The following F2R variants were observed in gnomAD, a reference collection of about 807,000 sequenced individuals.
F2R encodes the protein proteinase-activated receptor 1.
F2R carries 12 observed loss-of-function variants against 18.3 expected under a neutral mutation model. That is an observed-to-expected ratio of 0.66 (90% confidence interval 0.42 to 1.06). The LOEUF (loss-of-function observed/expected upper bound fraction) is 1.06. Ranked by LOEUF, F2R falls within the 50% of genes least tolerant of loss-of-function variation. The pLI, the probability that F2R is intolerant of heterozygous loss-of-function variation, is 0.00. For synonymous variants in F2R, 210 were observed against 219.9 expected, an observed-to-expected ratio of 0.95 and a Z score of 0.40; for missense variants, 438 against 530.8, an observed-to-expected ratio of 0.83 and a Z score of 1.72.
chr5:76,724,044 A>G (rs1334105602), intron 1 of F2R, among the ~76,000 whole-genome samples: 2 of 152,152 alleles, frequency 1.3e-5, no homozygotes, highest in Non-Finnish European at 2.9e-5. Context: ...TACCTAAAAA[A>G]TGAACATTTC....
rs1194607700 is a variant in F2R at position 76,733,344 on chromosome 5, C to T, written c.1119C>T (p.Tyr373=). Residue 373 remains tyrosine (Y), a synonymous_variant, in exon 2 of 2, where the codon TAC becomes TAT. Coordinates refer to ENST00000319211, the MANE Select transcript of F2R (RefSeq NM_001992.5). The part of the protein sequence containing the change: ...SCCIDPLIYY[Y]ASSECQRYVY... ...GCATCGACCCCCTAATTTACTATTA[C>T]GCTTCCTCTGAGTGCCAGAGGTACG... 6 of 1,614,178 alleles carry T rather than the reference C, an allele frequency of 3.7e-6. No individual in the cohort carries two copies. The highest frequency in any genetic ancestry group is 5.1e-6 in the Non-Finnish European group (6 of 1,180,036).
chr5:76,719,240 C>T (rs1010282228), intron 1 of F2R, among the ~76,000 whole-genome samples: 1 of 152,250 alleles, frequency 6.6e-6, no homozygotes. Flanking sequence ...ATGTCATCCT[C>T]ATTTTACTGG....
intron 1 of F2R, among the ~76,000 whole-genome samples, chr5:76,719,308 G>A (rs1285826250): frequency 1.3e-5 from 2 of 152,250 alleles, no homozygotes; most frequent in African/African-American, 4.8e-5. Context: ...GTGGAATTGG[G>A]ACTGGGTGCG....
intron 1 of F2R, among the ~76,000 whole-genome samples, chr5:76,732,001 AT>A (rs1333358856): frequency 6.6e-6 from 1 of 152,212 alleles, no homozygotes; most frequent in Non-Finnish European, 1.5e-5. Flanking sequence ...GAAATCAATG[AT>A]TGATCCCTTT....
At chr5:76,716,759 CAATA>C (rs772392946) in intron 1 of F2R, 1 of 596,310 alleles carries the variant, frequency 1.7e-6, no homozygotes, top group East Asian at 3.0e-5. Context: ...GTTGCTCCAC[CAATA>C]AACGTTTCGA....
At chr5:76,721,121 G>A (rs37248) in intron 1 of F2R, among the ~76,000 whole-genome samples, 101,880 of 152,056 alleles carry the variant, frequency 0.67, 34,305 homozygotes, top group East Asian at 0.72. Context: ...ACTAGTTTTC[G>A]TGAGCACCTA....
intron 1 of F2R, among the ~76,000 whole-genome samples, chr5:76,720,229 C>A (rs541494721): frequency 6.6e-6 from 1 of 151,992 alleles, no homozygotes; most frequent in African/African-American, 2.4e-5. Flanking sequence ...GCCAGATGAT[C>A]GCTTGAGACC....
intron 1 of F2R, chr5:76,716,859 A>C: frequency 1.9e-6 from 1 of 521,150 alleles, no homozygotes. Context: ...CAGGCGAGAA[A>C]AGTGATGTAG....
rs1400185803 is a variant in F2R at position 76,735,553 on chromosome 5, TA to T, written c.*2052del. On this transcript the variant is annotated 3_prime_UTR_variant, in exon 2 of 2. Coordinates refer to ENST00000319211, the MANE Select transcript of F2R (RefSeq NM_001992.5). Reference sequence around the variant, plus strand: ...TACCATAGAATAACTTACATAAAAGTAATATAACTGTATTGTAAGTAGAAGC... The same window carrying T: ...TACCATAGAATAACTTACATAAAAGTATATAACTGTATTGTAAGTAGAAGC... 6.6e-6 allele frequency: 1 copy of T among 152,142 alleles called. No individual in the cohort carries two copies. Among genetic ancestry groups the T allele is most frequent in the African/African-American group, 2.4e-5 (1 of 41,438 alleles). 9.4% of individuals were successfully genotyped at this position (152,142 alleles called of 1,614,324 possible). A position where few individuals can be genotyped will look rare whatever the true frequency, so the allele number is the denominator to read the frequency against.
At position 76,732,789 on chromosome 5, in the gene F2R, C is replaced by T; in HGVS notation, c.564C>T (p.Ala188=). The part of the protein sequence containing the change: ...VTAAFYCNMY[A]SILLMTVISI... ...CAGCATTTTACTGTAACATGTACGCCTCTATCTTGCTCATGACAGTCATAA... is the reference window on the plus strand; with the variant it reads ...CAGCATTTTACTGTAACATGTACGCTTCTATCTTGCTCATGACAGTCATAA... Residue 188 remains alanine (A), a synonymous_variant, in exon 2 of 2, where the codon GCC becomes GCT. Coordinates refer to ENST00000319211, the MANE Select transcript of F2R (RefSeq NM_001992.5). The T allele has an allele frequency of 6.2e-7, 1 of 1,614,154 alleles. No homozygotes were observed. Among genetic ancestry groups the T allele is most frequent in the Non-Finnish European group, 8.5e-7 (1 of 1,180,036 alleles).
chr5:76,727,508 C>T (rs1748585909), intron 1 of F2R, among the ~76,000 whole-genome samples: 1 of 152,178 alleles, frequency 6.6e-6, no homozygotes, highest in African/African-American at 2.4e-5. Flanking sequence ...CATTCCTTCC[C>T]TGTGACAGAT....
intron 1 of F2R, among the ~76,000 whole-genome samples, chr5:76,730,630 G>A (rs1748652416): frequency 6.6e-6 from 1 of 152,008 alleles, no homozygotes; most frequent in African/African-American, 2.4e-5. Flanking sequence ...ATTCAATTCT[G>A]GACACTATCT....
chr5:76,731,967 T>C (rs1750610803), intron 1 of F2R, among the ~76,000 whole-genome samples: 1 of 152,162 alleles, frequency 6.6e-6, no homozygotes, highest in Admixed American at 6.5e-5. Flanking sequence ...GAGTGATTTG[T>C]TTATATAGAC....
chr5:76,734,297 G>A lies in F2R; in HGVS notation c.*794G>A, dbSNP rs1033703697. On this transcript the variant is annotated 3_prime_UTR_variant, in exon 2 of 2. Coordinates refer to ENST00000319211, the MANE Select transcript of F2R (RefSeq NM_001992.5). ...GAGCTGCATGTGTCCGCCCCCGATG[G>A]AGGACTCCAGGCAGCAGACACATGC... The A allele has an allele frequency of 2.0e-5, 3 of 152,340 alleles. No individual in the cohort carries two copies. Among genetic ancestry groups the A allele is most frequent in the African/African-American group, 7.2e-5 (3 of 41,440 alleles). 9.4% of individuals were successfully genotyped at this position (152,340 alleles called of 1,614,324 possible). A position where few individuals can be genotyped will look rare whatever the true frequency, so the allele number is the denominator to read the frequency against.
chr5:76,716,963 G>T (rs1463839910), intron 1 of F2R, among the ~76,000 whole-genome samples: 2 of 152,184 alleles, frequency 1.3e-5, no homozygotes, highest in African/African-American at 4.8e-5. Flanking sequence ...CGCAGGGTGC[G>T]AGATATATGG....
In F2R at chr5:76,716,228, A is replaced by T; in HGVS notation, c.-80A>T. On this transcript the variant is annotated 5_prime_UTR_variant, in exon 1 of 2. Transcript: ENST00000319211. ...CGCGAAGACCGGCTCCCCGACCCGCAGAAGTCAGGAGAGAGGGTGAAGCGG... is the reference window on the plus strand; with the variant it reads ...CGCGAAGACCGGCTCCCCGACCCGCTGAAGTCAGGAGAGAGGGTGAAGCGG... The T allele has an allele frequency of 8.8e-7, 1 of 1,139,290 alleles. No individual in the cohort carries two copies. The highest frequency in any genetic ancestry group is 1.1e-6 in the Non-Finnish European group (1 of 883,152). The allele number at this position is 1,139,290 out of a possible 1,614,324, so 70.6% of individuals were successfully genotyped here.
At chr5:76,727,920 C>T (rs1234567854) in intron 1 of F2R, among the ~76,000 whole-genome samples, 2 of 146,562 alleles carry the variant, frequency 1.4e-5, no homozygotes, top group Non-Finnish European at 1.5e-5. Context: ...CAGAGTCTCA[C>T]TCTGTTGCCC....
At chr5:76,730,961 GCA>G (rs1039583033) in intron 1 of F2R, among the ~76,000 whole-genome samples, 1 of 152,228 alleles carries the variant, frequency 6.6e-6, no homozygotes, top group African/African-American at 2.4e-5. Flanking sequence ...GTGGGAAGGA[GCA>G]CAGAGTTTCC....
chr5:76,733,267 G>A lies in F2R; in HGVS notation c.1042G>A (p.Ala348Thr), dbSNP rs1329167711. The change falls in exon 2 of 2, where the codon GCT becomes ACT. Residue 348 changes from alanine (A) to threonine (T), a missense_variant. Physicochemically the swap from Ala to Thr is moderately conservative, Grantham distance 58. Transcript: ENST00000319211. ...SFLSHTSTTE[A>T]AYFAYLLCVC... is the part of the protein sequence containing the mutation. ...CCTTTCTCACACTTCCACCACAGAG[G>A]CTGCCTACTTTGCCTACCTCCTCTG... is the stretch of plus-strand genomic sequence containing the variant. 6.2e-7 allele frequency: 1 copy of A among 1,614,122 alleles called. No homozygotes were observed. The highest frequency in any genetic ancestry group is 8.5e-7 in the Non-Finnish European group (1 of 1,180,034).
Sources: gnomAD v4.1 joint callset for allele counts (sites outside exome capture counted in the v4.1 genomes callset) on GRCh38, gnomAD v4.1.1 for gene constraint, MANE v1.5 for transcripts, NCBI Gene and HGNC (gene_info 2026-07-23, HGNC 2026-07-21) for gene names.